Variants in COL25A1 observed in about 807,000 individuals in gnomAD.
COL25A1 encodes collagen type XXV alpha 1 chain.
A neutral mutation model predicts 128.4 loss-of-function variants in COL25A1; 103 were observed. The observed-to-expected ratio is 0.80, with a 90% CI of 0.68 to 0.94. The LOEUF is 0.94. Ranked by LOEUF, COL25A1 falls within the 40% of genes least tolerant of loss-of-function variation. The pLI is 0.00. For synonymous variants in COL25A1, 279 were observed against 277.2 expected (o/e 1.01, Z -0.06); for missense variants, 745 against 840.0 (o/e 0.89, Z 1.40).
At chr4:108,969,193 C>A (rs1475374161) in intron 8 of COL25A1, among the ~76,000 whole-genome samples, 1 of 152,160 alleles carries the variant, frequency 6.6e-6, no homozygotes, top group Non-Finnish European at 1.5e-5. Flanking sequence ...ATTGGATGAC[C>A]TAAGTTCCCT....
At chr4:109,040,775 G>C (rs1341782765) in intron 5 of COL25A1, among the ~76,000 whole-genome samples, 1 of 151,334 alleles carries the variant, frequency 6.6e-6, no homozygotes, top group African/African-American at 2.4e-5. Context: ...TCAACTAATA[G>C]CAAAGGCTTT....
At chr4:109,164,784 CACA>C (rs1361519063) in intron 3 of COL25A1, among the ~76,000 whole-genome samples, 4 of 151,992 alleles carry the variant, frequency 2.6e-5, no homozygotes, top group Admixed American at 2.6e-4. Flanking sequence ...TAAGCATTTC[CACA>C]ACAATTTGCT....
At chr4:108,975,872 A>T (rs919972180) in intron 6 of COL25A1, among the ~76,000 whole-genome samples, 24 of 152,002 alleles carry the variant, frequency 1.6e-4, no homozygotes, top group African/African-American at 5.6e-4. Context: ...GATTTGCTAG[A>T]GTTCTTTATC....
At chr4:109,098,088 T>C (rs1765556311) in intron 3 of COL25A1, among the ~76,000 whole-genome samples, 1 of 152,252 alleles carries the variant, frequency 6.6e-6, no homozygotes, top group Non-Finnish European at 1.5e-5. Context: ...GTTATTATTC[T>C]GTAAATGCAC....
At chr4:108,967,085 T>C (rs959097505) in intron 8 of COL25A1, among the ~76,000 whole-genome samples, 1 of 152,198 alleles carries the variant, frequency 6.6e-6, no homozygotes, top group African/African-American at 2.4e-5. Flanking sequence ...CAAATTCTGG[T>C]TCTGCCAGTG....
intron 3 of COL25A1, among the ~76,000 whole-genome samples, chr4:109,289,706 T>C (rs992457726): frequency 6.6e-6 from 1 of 152,100 alleles, no homozygotes; most frequent in Non-Finnish European, 1.5e-5. Context: ...GGAGGGAAGA[T>C]AGGGGAGCCC....
intron 11 of COL25A1, among the ~76,000 whole-genome samples, chr4:108,928,116 C>T (rs917725211): frequency 1.3e-5 from 2 of 152,096 alleles, no homozygotes; most frequent in South Asian, 4.1e-4. Context: ...AAACATACTT[C>T]CCTCGAGTAC....
intron 3 of COL25A1, among the ~76,000 whole-genome samples, chr4:109,169,508 A>G (rs1293718334): frequency 6.6e-6 from 1 of 152,122 alleles, no homozygotes; most frequent in Non-Finnish European, 1.5e-5. Flanking sequence ...CTATATCTCT[A>G]TCACCTGTCT....
intron 3 of COL25A1, among the ~76,000 whole-genome samples, chr4:109,087,136 A>C (rs4267808): frequency 0.23 from 34,998 of 151,910 alleles, 5,193 homozygotes; most frequent in African/African-American, 0.4. Flanking sequence ...CCAAGAAGAT[A>C]GGAGAGAAGC....
rs1397057047 is a variant in COL25A1 at position 108,811,215 on chromosome 4, T to C, written c.*2712A>G. 6.6e-6 allele frequency: 1 copy of C among 152,070 alleles called. No individual in the cohort carries two copies. The highest frequency in any genetic ancestry group is 1.5e-5 in the Non-Finnish European group (1 of 67,918). 9.4% of individuals were successfully genotyped at this position (152,070 alleles called of 1,614,324 possible). A position where few individuals can be genotyped will look rare whatever the true frequency, so the allele number is the denominator to read the frequency against. Reference sequence around the variant, plus strand: ...TGAAAACATTGTAGTAACCAAAAGTTAAAGATTATCCATCATGGTTAAGAC... The same window carrying C: ...TGAAAACATTGTAGTAACCAAAAGTCAAAGATTATCCATCATGGTTAAGAC... On this transcript the variant is annotated 3_prime_UTR_variant, in exon 38 of 38. Coordinates refer to ENST00000399132, the MANE Select transcript of COL25A1 (RefSeq NM_198721.4).
At chr4:109,234,542 C>G (rs1779350675) in intron 3 of COL25A1, among the ~76,000 whole-genome samples, 2 of 152,050 alleles carry the variant, frequency 1.3e-5, no homozygotes, top group Admixed American at 1.3e-4. Context: ...TGTTAAGAAT[C>G]AGGAAACATG....
intron 8 of COL25A1, among the ~76,000 whole-genome samples, chr4:108,971,753 G>C (rs1751937699): frequency 6.6e-6 from 1 of 152,290 alleles, no homozygotes; most frequent in South Asian, 2.1e-4. Flanking sequence ...TCTGCCTGCT[G>C]TGTAGAAAAT....
intron 3 of COL25A1, among the ~76,000 whole-genome samples, chr4:109,289,959 T>C (rs1325247395): frequency 1.3e-5 from 2 of 152,078 alleles, no homozygotes; most frequent in South Asian, 2.1e-4. Flanking sequence ...ATGTTTAAAA[T>C]GCTAGCAGTA....
In COL25A1 at chr4:108,887,033, A is replaced by T. The variant is rs558282580; in HGVS notation, c.975+2188T>A. ...AATTAGGTGATGAAACACAATACTTATTTTATAAATCTACACACTCACTCT... is the reference window on the plus strand; with the variant it reads ...AATTAGGTGATGAAACACAATACTTTTTTTATAAATCTACACACTCACTCT... On this transcript the variant is annotated intron_variant, in intron 18 of 37. Coordinates refer to ENST00000399132, the MANE Select transcript of COL25A1 (RefSeq NM_198721.4). Among the ~76,000 whole-genome samples the T allele has an allele frequency of 4.9e-4, 75 of 152,310 alleles. 1 individual carries two copies. Among genetic ancestry groups the T allele is most frequent in the African/African-American group, 1.8e-3 (74 of 41,576 alleles).
chr4:109,158,236 T>G (rs1220003294), intron 3 of COL25A1, among the ~76,000 whole-genome samples: 1 of 152,022 alleles, frequency 6.6e-6, no homozygotes, highest in Non-Finnish European at 1.5e-5. Flanking sequence ...TCAAAATGCT[T>G]TAGGGTTGCA....
intron 6 of COL25A1, among the ~76,000 whole-genome samples, chr4:108,993,939 C>G (rs976345756): frequency 2.6e-5 from 4 of 151,612 alleles, no homozygotes; most frequent in Admixed American, 2.6e-4. Flanking sequence ...CTTTGAAGAT[C>G]AGAAAATCTA....
At chr4:108,872,148 C>T (rs778190686) in intron 19 of COL25A1, among the ~76,000 whole-genome samples, 35 of 152,164 alleles carry the variant, frequency 2.3e-4, no homozygotes, top group Admixed American at 4.6e-4. Context: ...GGCGTGGTGG[C>T]TCATGTTTTG....
intron 3 of COL25A1, among the ~76,000 whole-genome samples, chr4:109,128,221 A>C (rs781232762): frequency 1.3e-5 from 2 of 152,150 alleles, no homozygotes; most frequent in Non-Finnish European, 2.9e-5. Context: ...CCAAACCCCC[A>C]CCAAACAGAT....
intron 8 of COL25A1, among the ~76,000 whole-genome samples, chr4:108,949,482 T>C (rs1749147995): frequency 6.6e-6 from 1 of 152,018 alleles, no homozygotes; most frequent in Non-Finnish European, 1.5e-5. Context: ...AGTCACCCCC[T>C]GACAACCTGC....
Sources: gnomAD v4.1 joint callset for allele counts (sites outside exome capture counted in the v4.1 genomes callset) on GRCh38, gnomAD v4.1.1 for gene constraint, MANE v1.5 for transcripts, NCBI Gene and HGNC (gene_info 2026-07-23, HGNC 2026-07-21) for gene names.